NOL4: variants seen among roughly 807,000 people sequenced by gnomAD.
NOL4 encodes nucleolar protein 4.
NOL4 carries 17 observed loss-of-function variants against 75.9 expected under a neutral mutation model. That is an observed-to-expected ratio of 0.22 (90% CI 0.15 to 0.34). The LOEUF (loss-of-function observed/expected upper bound fraction) is 0.34. Ranked by LOEUF, NOL4 falls within the 10% of genes least tolerant of loss-of-function variation. NOL4 has a pLI of 1.00. For missense variants in NOL4, 614 were observed against 793.5 expected (o/e 0.77, Z 2.72); for synonymous variants, 292 against 289.9 (o/e 1.01, Z -0.07).
Position 33,851,521 on chromosome 18 carries a change from A to G in NOL4, c.*1321T>C, listed in dbSNP as rs1235441339. 2 of 152,542 alleles carry G rather than the reference A, an allele frequency of 1.3e-5. No homozygotes were observed. The highest frequency in any genetic ancestry group is 2.4e-5 in the African/African-American group (1 of 41,452). 9.4% of individuals were successfully genotyped at this position (152,542 alleles called of 1,614,324 possible). On this transcript the variant is annotated 3_prime_UTR_variant, in exon 11 of 11. Coordinates refer to ENST00000261592, the MANE Select transcript of NOL4 (RefSeq NM_003787.5). ...GAATGACATAAATTTTACATGAAAT[A>G]AGGCAAATTCAGGAATGCACAAAGA...
At chr18:34,176,640 C>T (rs1016592724) in intron 1 of NOL4, among the ~76,000 whole-genome samples, 2 of 151,828 alleles carry the variant, frequency 1.3e-5, no homozygotes, top group Admixed American at 6.6e-5. Flanking sequence ...GGACTGGTGC[C>T]CTTATATGTA....
chr18:33,879,938 C>G (rs929193525), intron 10 of NOL4, among the ~76,000 whole-genome samples: 1 of 152,002 alleles, frequency 6.6e-6, no homozygotes, highest in African/African-American at 2.4e-5. Flanking sequence ...TTAATATATA[C>G]TGTCAAATTC....
At chr18:33,893,840 G>A (rs1599774776) in intron 9 of NOL4, among the ~76,000 whole-genome samples, 1 of 152,190 alleles carries the variant, frequency 6.6e-6, no homozygotes, top group Admixed American at 6.6e-5. Flanking sequence ...CAGGGTATTA[G>A]TGATCCACTG....
At chr18:34,008,375 A>ATCTATCTG (rs2074168667) in intron 6 of NOL4, among the ~76,000 whole-genome samples, 1 of 102,784 alleles carries the variant, frequency 9.7e-6, no homozygotes, top group African/African-American at 3.8e-5. Context: ...CTGTCTGTCT[A>ATCTATCTG]TCTATCTATC....
At chr18:33,887,970 T>A (rs1599753851) in intron 9 of NOL4, among the ~76,000 whole-genome samples, 1 of 152,176 alleles carries the variant, frequency 6.6e-6, no homozygotes, top group Admixed American at 6.5e-5. Flanking sequence ...GTATTTCTAG[T>A]TCTAGATCCC....
chr18:34,173,102 T>C (rs77515647), intron 1 of NOL4, among the ~76,000 whole-genome samples: 1,613 of 152,114 alleles, frequency 0.011, 33 homozygotes, highest in African/African-American at 0.037. Flanking sequence ...TGCAACAACA[T>C]GGATGAGCCT....
chr18:34,143,197 C>G (rs1408594848), intron 1 of NOL4, among the ~76,000 whole-genome samples: 1 of 152,022 alleles, frequency 6.6e-6, no homozygotes, highest in Non-Finnish European at 1.5e-5. Flanking sequence ...AGAAGTGGCT[C>G]AACCAATACT....
chr18:33,862,926 T>C (rs2063228000), intron 10 of NOL4, among the ~76,000 whole-genome samples: 1 of 152,186 alleles, frequency 6.6e-6, no homozygotes, highest in Non-Finnish European at 1.5e-5. Flanking sequence ...ACTGGGAATA[T>C]ACCCAAAGGA....
At chr18:34,002,912 T>A (rs9948399) in intron 6 of NOL4, among the ~76,000 whole-genome samples, 31,343 of 152,012 alleles carry the variant, frequency 0.21, 3,743 homozygotes, top group East Asian at 0.51. Flanking sequence ...TGATTTACAT[T>A]TAAGATAAAA....
chr18:34,152,622 C>G (rs2081698290), intron 1 of NOL4, among the ~76,000 whole-genome samples: 2 of 151,804 alleles, frequency 1.3e-5, no homozygotes. Flanking sequence ...ACAGATCACC[C>G]TTATGGAACA....
intron 5 of NOL4, among the ~76,000 whole-genome samples, chr18:34,030,328 C>T (rs899585276): frequency 1.3e-4 from 20 of 152,054 alleles, no homozygotes; most frequent in African/African-American, 4.6e-4. Context: ...ATTTCTTTTG[C>T]TTATTTTTTC....
chr18:34,099,372 A>AAAAAAAAAAAAAAAAAAAAAAAAAAC (rs2078938551), intron 4 of NOL4, among the ~76,000 whole-genome samples: 3 of 149,804 alleles, frequency 2.0e-5, no homozygotes, highest in East Asian at 1.9e-4. Context: ...CAAAAAAAAA[A>AAAAAAAAAAAAAAAAAAAAAAAAAAC]AAAAAGACAA....
intron 5 of NOL4, among the ~76,000 whole-genome samples, chr18:34,020,925 A>C (rs2075001689): frequency 6.6e-6 from 1 of 152,222 alleles, no homozygotes; most frequent in Non-Finnish European, 1.5e-5. Context: ...AATATGGCTG[A>C]GCAAAAGAAA....
intron 10 of NOL4, among the ~76,000 whole-genome samples, chr18:33,863,210 G>T (rs2063256684): frequency 6.7e-6 from 1 of 150,282 alleles, no homozygotes; most frequent in Non-Finnish European, 1.5e-5. Context: ...TTATAGGTGG[G>T]AATTGAACAA....
chr18:34,060,784 G>T (rs1006151274), intron 5 of NOL4, among the ~76,000 whole-genome samples: 4 of 152,146 alleles, frequency 2.6e-5, no homozygotes, highest in African/African-American at 9.6e-5. Flanking sequence ...TTCACATGTG[G>T]TGCCTAAGAA....
chr18:34,005,748 A>G (rs952966625), intron 6 of NOL4, among the ~76,000 whole-genome samples: 2 of 151,934 alleles, frequency 1.3e-5, no homozygotes, highest in Admixed American at 6.6e-5. Context: ...ATGATTCCCC[A>G]TACTCAGGGA....
At chr18:34,061,874 A>T (rs1455392791) in intron 5 of NOL4, among the ~76,000 whole-genome samples, 1 of 152,106 alleles carries the variant, frequency 6.6e-6, no homozygotes, top group Non-Finnish European at 1.5e-5. Flanking sequence ...AACAGTCAGT[A>T]GGCAGTTAAC....
intron 5 of NOL4, among the ~76,000 whole-genome samples, chr18:34,086,913 A>G (rs903346557): frequency 6.6e-6 from 1 of 152,152 alleles, no homozygotes; most frequent in Admixed American, 6.5e-5. Context: ...AACAGAGCTA[A>G]TTGAAACACA....
At chr18:34,051,254 C>T (rs1014950357) in intron 5 of NOL4, among the ~76,000 whole-genome samples, 4 of 151,856 alleles carry the variant, frequency 2.6e-5, no homozygotes, top group Non-Finnish European at 2.9e-5. Flanking sequence ...TTAATAAAAT[C>T]TATATGACTG....
Sources: gnomAD v4.1 joint callset for allele counts (sites outside exome capture counted in the v4.1 genomes callset) on GRCh38, gnomAD v4.1.1 for gene constraint, MANE v1.5 for transcripts, NCBI Gene and HGNC (gene_info 2026-07-23, HGNC 2026-07-21) for gene names.